PEPD: variants seen among roughly 807,000 people sequenced by gnomAD.
PEPD encodes xaa-Pro dipeptidase.
A neutral mutation model predicts 60.7 loss-of-function variants in PEPD; 53 were observed. That is an observed-to-expected ratio of 0.87 (90% confidence interval 0.70 to 1.10). The LOEUF (loss-of-function observed/expected upper bound fraction) is 1.10. PEPD is among the 50% of genes least tolerant of loss of function. PEPD has a pLI of 0.00. For synonymous variants in PEPD, 267 were observed against 284.1 expected (o/e 0.94, Z 0.60); for missense variants, 711 against 711.9 (o/e 1.00, Z 0.01).
rs554464296 is a variant in PEPD at position 33,493,004 on chromosome 19, G to A, written c.441+286C>T. 4.0e-4 allele frequency among the ~76,000 whole-genome samples: 61 copies of A among 152,298 alleles called. No individual in the cohort carries two copies. In the South Asian group the frequency reaches 0.013, roughly 32 times the overall value. On this transcript the variant is annotated intron_variant, in intron 5 of 14. Coordinates refer to ENST00000244137, the MANE Select transcript of PEPD (RefSeq NM_000285.4). ...CACGCCTCCCACCTCAGCCTCCCAA[G>A]TAGCTGGGACCACAAGCACATGCCA...
chr19:33,507,074 C>T (rs1466625809), intron 3 of PEPD, among the ~76,000 whole-genome samples: 2 of 152,244 alleles, frequency 1.3e-5, no homozygotes, highest in East Asian at 1.9e-4. Context: ...ATACACCATG[C>T]ATGTGCAAAC....
chr19:33,423,209 TGCTTG>T (rs1399950634), intron 9 of PEPD, among the ~76,000 whole-genome samples: 3 of 152,244 alleles, frequency 2.0e-5, no homozygotes. Context: ...ACCAGAACAG[TGCTTG>T]GCACATCAGA....
At chr19:33,425,543 G>A (rs773596749) in intron 9 of PEPD, among the ~76,000 whole-genome samples, 5 of 152,140 alleles carry the variant, frequency 3.3e-5, no homozygotes, top group Non-Finnish European at 5.9e-5. Flanking sequence ...CGAGTCCACG[G>A]GATGACATTA....
chr19:33,501,356 A>G (rs910505837), intron 3 of PEPD, among the ~76,000 whole-genome samples: 1 of 152,168 alleles, frequency 6.6e-6, no homozygotes, highest in Middle Eastern at 3.2e-3. Flanking sequence ...TCTGTGGCAT[A>G]AAACAATCTG....
chr19:33,442,196 C>T (rs1208917083), intron 9 of PEPD, among the ~76,000 whole-genome samples: 1 of 152,114 alleles, frequency 6.6e-6, no homozygotes, highest in Non-Finnish European at 1.5e-5. Flanking sequence ...GTCAGGAGTT[C>T]GAGACCAGCC....
At chr19:33,400,881 G>A (rs1192272578) in intron 12 of PEPD, among the ~76,000 whole-genome samples, 1 of 152,228 alleles carries the variant, frequency 6.6e-6, no homozygotes, top group Non-Finnish European at 1.5e-5. Context: ...GGCTATGGAG[G>A]ACCCAGGGGT....
intron 7 of PEPD, among the ~76,000 whole-genome samples, chr19:33,475,563 G>T (rs914210342): frequency 6.6e-6 from 1 of 152,152 alleles, no homozygotes; most frequent in South Asian, 2.1e-4. Flanking sequence ...ACGCGGGCTC[G>T]ACCTCAAAGC....
chr19:33,428,230 G>C lies in PEPD; in HGVS notation c.672-14587C>G, dbSNP rs546319610. ...AGGAGGGCTTGGAGGATGCAGAAGA[G>C]GGAGTCACGCCCGTGGATGCCGGGT... On this transcript the variant is annotated intron_variant, in intron 9 of 14. Coordinates refer to ENST00000244137, the MANE Select transcript of PEPD (RefSeq NM_000285.4). Among the ~76,000 whole-genome samples, 6 of 152,328 alleles carry C rather than the reference G, an allele frequency of 3.9e-5. No individual in the cohort carries two copies. In the South Asian group the frequency reaches 1.2e-3, roughly 32 times the overall value.
chr19:33,503,852 C>T (rs138290034), intron 3 of PEPD, among the ~76,000 whole-genome samples: 196 of 152,262 alleles, frequency 1.3e-3, no homozygotes, highest in African/African-American at 4.5e-3. Context: ...GAGGCCAGCG[C>T]CCTACAGAGG....
At chr19:33,490,767 G>T (rs953517257) in intron 5 of PEPD, among the ~76,000 whole-genome samples, 1 of 152,208 alleles carries the variant, frequency 6.6e-6, no homozygotes, top group Non-Finnish European at 1.5e-5. Context: ...AAGTTCAAGT[G>T]ATTCTCCTGC....
At chr19:33,431,206 G>A (rs1012156424) in intron 9 of PEPD, among the ~76,000 whole-genome samples, 1 of 151,192 alleles carries the variant, frequency 6.6e-6, no homozygotes, top group African/African-American at 2.4e-5. Context: ...GAGGGAGAGA[G>A]GGAGGGAGGG....
rs374603111 is a variant in PEPD at position 33,391,321 on chromosome 19, C to A, written c.1126G>T (p.Val376Leu). The change falls in exon 13 of 15, where the codon GTG (valine) becomes TTG (leucine). Residue 376 changes from valine to leucine, a missense_variant. Physicochemically the swap from Val to Leu is conservative, Grantham distance 32. Transcript: ENST00000244137. Reference protein sequence around the residue: ...HGLGHFLGIDVHDVGGYPEGV... With the variant: ...HGLGHFLGIDLHDVGGYPEGV... Reference sequence around the variant, plus strand: ...TCTGGGTAGCCTCCCACGTCGTGCACGTCAATGCCCAGGAAGTGGCCAAGC... The same window carrying A: ...TCTGGGTAGCCTCCCACGTCGTGCAAGTCAATGCCCAGGAAGTGGCCAAGC... 3.7e-6 allele frequency: 6 copies of A among 1,611,966 alleles called. No homozygotes were observed. The highest frequency in any genetic ancestry group is 4.2e-6 in the Non-Finnish European group (5 of 1,179,540).
chr19:33,452,668 G>A (rs1969719252), intron 9 of PEPD, among the ~76,000 whole-genome samples: 1 of 152,130 alleles, frequency 6.6e-6, no homozygotes, highest in African/African-American at 2.4e-5. Flanking sequence ...AATAAAATTG[G>A]TTACTTGGTT....
intron 9 of PEPD, among the ~76,000 whole-genome samples, chr19:33,445,456 A>C (rs1446796139): frequency 6.6e-6 from 1 of 152,140 alleles, no homozygotes; most frequent in East Asian, 1.9e-4. Context: ...GGCCTAATCC[A>C]CTCTGACTGT....
chr19:33,493,142 C>T (rs966136139), intron 5 of PEPD, 148 bp downstream of exon 5: 1 of 685,274 alleles, frequency 1.5e-6, no homozygotes, highest in African/African-American at 1.8e-5. Context: ...TCTCAAGGCA[C>T]TTGGATAACA....
intron 5 of PEPD, among the ~76,000 whole-genome samples, chr19:33,491,959 A>C (rs1368222204): frequency 1.3e-5 from 2 of 152,020 alleles, no homozygotes; most frequent in Non-Finnish European, 2.9e-5. Context: ...TTTTGCTTCT[A>C]AGAGAAGTTA....
chr19:33,399,992 C>T (rs558116984), intron 12 of PEPD, among the ~76,000 whole-genome samples: 2 of 152,102 alleles, frequency 1.3e-5, no homozygotes, highest in Non-Finnish European at 2.9e-5. Flanking sequence ...GGGCTGGGCT[C>T]GGGGCACTCT....
intron 9 of PEPD, among the ~76,000 whole-genome samples, chr19:33,460,171 T>C (rs1969900244): frequency 6.6e-6 from 1 of 152,188 alleles, no homozygotes. Flanking sequence ...ACACAGAAGA[T>C]GGCAGAAAAA....
chr19:33,427,103 G>C (rs927978566), intron 9 of PEPD, among the ~76,000 whole-genome samples: 6 of 152,226 alleles, frequency 3.9e-5, no homozygotes, highest in Non-Finnish European at 8.8e-5. Context: ...GGAACAACAG[G>C]AACGCTATTT....
Sources: gnomAD v4.1 joint callset for allele counts (sites outside exome capture counted in the v4.1 genomes callset) on GRCh38, gnomAD v4.1.1 for gene constraint, MANE v1.5 for transcripts, NCBI Gene and HGNC (gene_info 2026-07-23, HGNC 2026-07-21) for gene names.